NRXN1: variants seen among roughly 807,000 people sequenced by gnomAD.
NRXN1 encodes the protein neurexin 1, also known as neurexin-1.
Under a neutral mutation model 150.9 loss-of-function variants are expected in NRXN1, and 39 were observed. The ratio of observed to expected loss-of-function variants is 0.26; its 90% confidence interval spans 0.20 to 0.34. The LOEUF (loss-of-function observed/expected upper bound fraction) is 0.34, where lower values mean the gene tolerates loss of function less well. NRXN1 is among the 10% of genes least tolerant of loss of function. NRXN1 has a pLI of 1.00. For synonymous variants in NRXN1, 924 were observed against 757.0 expected (o/e 1.22, Z -3.62); for missense variants, 1,815 against 1,949.9 (o/e 0.93, Z 1.30).
At chr2:50,694,691 A>T (rs1306106003) in intron 5 of NRXN1, among the ~76,000 whole-genome samples, 1 of 152,208 alleles carries the variant, frequency 6.6e-6, no homozygotes, top group Non-Finnish European at 1.5e-5. Flanking sequence ...AATTGATTTG[A>T]TTATGAGTAG....
chr2:50,511,361 C>T lies in NRXN1; in HGVS notation c.2375-4744G>A, dbSNP rs558507996. On this transcript the variant is annotated intron_variant, in intron 12 of 22. Coordinates refer to ENST00000401669, the MANE Select transcript of NRXN1 (RefSeq NM_001330078.2). ...CGGACCACAGTGCGCCCAGCCCTAA[C>T]AAACTTTTAAAAAATTATTCTGTTC... 3.9e-5 allele frequency among the ~76,000 whole-genome samples: 6 copies of T among 152,244 alleles called. No homozygotes were observed. In the East Asian group the frequency reaches 1.2e-3, roughly 29 times the overall value.
At chr2:50,136,098 T>G (rs1220617403) in intron 18 of NRXN1, among the ~76,000 whole-genome samples, 1 of 152,128 alleles carries the variant, frequency 6.6e-6, no homozygotes, top group Non-Finnish European at 1.5e-5. Flanking sequence ...TTCGGAAGAG[T>G]CAAAGGAATA....
intron 2 of NRXN1, among the ~76,000 whole-genome samples, chr2:51,006,006 A>T (rs969054682): frequency 2.0e-5 from 3 of 151,728 alleles, no homozygotes; most frequent in African/African-American, 7.3e-5. Context: ...ATCAGACAAA[A>T]CAGACTTTAG....
chr2:50,763,542 T>A (rs1702055098), intron 5 of NRXN1, among the ~76,000 whole-genome samples: 1 of 151,972 alleles, frequency 6.6e-6, no homozygotes, highest in Non-Finnish European at 1.5e-5. Context: ...AGGCACTTAA[T>A]AAATACTTGA....
intron 2 of NRXN1, among the ~76,000 whole-genome samples, chr2:50,931,104 T>C (rs2104390949): frequency 6.6e-6 from 1 of 152,272 alleles, no homozygotes; most frequent in Middle Eastern, 3.4e-3. Context: ...CAGAGAATAT[T>C]CTGCAATGTG....
chr2:50,979,452 G>C (rs934770257), intron 2 of NRXN1, among the ~76,000 whole-genome samples: 1 of 152,052 alleles, frequency 6.6e-6, no homozygotes, highest in Non-Finnish European at 1.5e-5. Flanking sequence ...CAAGAAGCCA[G>C]ATGTGCAACA....
At chr2:50,096,821 C>T (rs1490140483) in intron 18 of NRXN1, among the ~76,000 whole-genome samples, 1 of 152,018 alleles carries the variant, frequency 6.6e-6, no homozygotes, top group African/African-American at 2.4e-5. Context: ...TGGGAAGGTC[C>T]CTGAAATTTC....
chr2:50,548,393 C>T (rs2093540484), intron 9 of NRXN1, among the ~76,000 whole-genome samples: 1 of 152,016 alleles, frequency 6.6e-6, no homozygotes, highest in African/African-American at 2.4e-5. Flanking sequence ...CAAGAGAACA[C>T]CAGTTTTTAT....
chr2:50,537,998 T>C (rs191070310), intron 10 of NRXN1, among the ~76,000 whole-genome samples: 1 of 152,324 alleles, frequency 6.6e-6, no homozygotes, highest in East Asian at 1.9e-4. Context: ...CTTAGGCTCA[T>C]ACTCTAGAGG....
intron 18 of NRXN1, among the ~76,000 whole-genome samples, chr2:50,231,764 G>A (rs985007791): frequency 6.6e-6 from 1 of 152,074 alleles, no homozygotes; most frequent in Non-Finnish European, 1.5e-5. Context: ...TCTTCTGTCA[G>A]AGAGGCATTA....
At chr2:50,277,648 T>C (rs1024171030) in intron 17 of NRXN1, among the ~76,000 whole-genome samples, 2 of 152,100 alleles carry the variant, frequency 1.3e-5, no homozygotes, top group African/African-American at 2.4e-5. Flanking sequence ...AATCCATAGA[T>C]GAACTATTTT....
In NRXN1 at chr2:50,276,023, G is replaced by A. The variant is rs76616517; in HGVS notation, c.3365-39053C>T. Among the ~76,000 whole-genome samples, 696 of 146,268 alleles carry A rather than the reference G, an allele frequency of 4.8e-3. 10 individuals are homozygous for A. The highest frequency in any genetic ancestry group is 0.016 in the African/African-American group (641 of 39,966). ...AAAAAGCCCAGTCTGCAATTTTGCTGGTTAATTTAAACCAGAAACTAAACT... is the reference window on the plus strand; with the variant it reads ...AAAAAGCCCAGTCTGCAATTTTGCTAGTTAATTTAAACCAGAAACTAAACT... On this transcript the variant is annotated intron_variant, in intron 17 of 22. Transcript: ENST00000401669.
chr2:50,771,595 G>A (rs889241874), intron 5 of NRXN1, among the ~76,000 whole-genome samples: 2 of 152,062 alleles, frequency 1.3e-5, no homozygotes, highest in Non-Finnish European at 2.9e-5. Flanking sequence ...GTGAGAATTT[G>A]AATAGTACAT....
chr2:50,390,714 C>A (rs2081631235), intron 17 of NRXN1, among the ~76,000 whole-genome samples: 1 of 151,864 alleles, frequency 6.6e-6, no homozygotes, highest in Non-Finnish European at 1.5e-5. Context: ...GAAAGTTTGG[C>A]CCCCTCTTGC....
At chr2:50,636,311 C>G (rs1275419955) in intron 5 of NRXN1, among the ~76,000 whole-genome samples, 1 of 152,080 alleles carries the variant, frequency 6.6e-6, no homozygotes, top group Non-Finnish European at 1.5e-5. Flanking sequence ...GAGTGAAACA[C>G]TGGTTTCTTC....
chr2:50,886,307 T>C (rs1450742930), intron 5 of NRXN1, among the ~76,000 whole-genome samples: 1 of 151,442 alleles, frequency 6.6e-6, no homozygotes, highest in African/African-American at 2.4e-5. Context: ...TTTCAACATA[T>C]ATTGTCAAAT....
At chr2:50,086,333 T>C (rs1698770419) in intron 19 of NRXN1, among the ~76,000 whole-genome samples, 1 of 152,186 alleles carries the variant, frequency 6.6e-6, no homozygotes, top group Non-Finnish European at 1.5e-5. Context: ...AGGGTAATAA[T>C]ATGACTTCCT....
chr2:50,039,211 T>A (rs1345593818), intron 21 of NRXN1, among the ~76,000 whole-genome samples: 3 of 151,514 alleles, frequency 2.0e-5, no homozygotes, highest in Admixed American at 6.6e-5. Flanking sequence ...ACAAAGAAAC[T>A]TCCCAGCACT....
At chr2:50,716,108 C>G (rs1483425722) in intron 5 of NRXN1, among the ~76,000 whole-genome samples, 31 of 152,052 alleles carry the variant, frequency 2.0e-4, no homozygotes, top group Admixed American at 2.0e-3. Flanking sequence ...AATGTAATGA[C>G]TAATATAAAA....
Sources: allele counts gnomAD v4.1 joint callset (sites outside exome capture counted in the v4.1 genomes callset), GRCh38; gene constraint gnomAD v4.1.1; transcripts MANE v1.5; gene names NCBI Gene and HGNC (gene_info 2026-07-23, HGNC 2026-07-21).